The following STAT2 variants were observed in gnomAD, a reference collection of about 807,000 sequenced individuals.
STAT2 encodes interferon alpha induced transcriptional activator.
A neutral mutation model predicts 122.3 loss-of-function variants in STAT2; 51 were observed. That is an observed-to-expected ratio of 0.42 (90% CI 0.33 to 0.53). The LOEUF (loss-of-function observed/expected upper bound fraction) is 0.53. STAT2 is among the 20% of genes least tolerant of loss of function. The pLI is 0.10. For synonymous variants in STAT2, 351 were observed against 394.9 expected, an observed-to-expected ratio of 0.89 and a Z score of 1.32; for missense variants, 736 against 1,010.3, an observed-to-expected ratio of 0.73 and a Z score of 3.68.
At chr12:56,351,064 A>C (rs1878393001) in intron 10 of STAT2, 34 bp downstream of exon 10, 7 of 1,607,630 alleles carry the variant, frequency 4.4e-6, no homozygotes, top group Non-Finnish European at 6.0e-6. Context: ...CAGGGTTGGA[A>C]AAAGGAAGTG....
Position 56,349,631 on chromosome 12 carries a change from C to G in STAT2, c.1215G>C (p.Leu405=). The G allele has an allele frequency of 6.2e-7, 1 of 1,614,178 alleles. No individual in the cohort carries two copies. The highest frequency in any genetic ancestry group is 8.5e-7 in the Non-Finnish European group (1 of 1,180,034). The change falls in exon 14 of 24, where the codon CTG becomes CTC. Residue 405 remains leucine (L), a synonymous_variant. Transcript: ENST00000314128. ...GLIWDFGYLT[L]VEQRSGGSGK... ...CTGAACCACCTGAACGTTGCTCCAC[C>G]AGAGTCTGTGAATTGAAGGGAAGGA... is the stretch of plus-strand genomic sequence containing the variant.
intron 11 of STAT2, 103 bp from the exon 12 acceptor site, chr12:56,350,535 C>T: frequency 1.9e-6 from 2 of 1,080,092 alleles, no homozygotes; most frequent in Non-Finnish European, 1.3e-6. Flanking sequence ...CCGACTTGAG[C>T]TCACTAGCTA....
intron 20 of STAT2, 45 bp downstream of exon 20, chr12:56,346,774 G>A (rs1424049044): frequency 2.5e-6 from 4 of 1,613,084 alleles, no homozygotes; most frequent in Non-Finnish European, 3.4e-6. Flanking sequence ...AGGGGAGCCA[G>A]GCAGAAAGGA....
intron 21 of STAT2, 27 bp downstream of exon 21, chr12:56,346,415 G>A: frequency 6.2e-7 from 1 of 1,613,080 alleles, no homozygotes; most frequent in Non-Finnish European, 8.5e-7. Flanking sequence ...CTGCAATCTA[G>A]CAATGAAGTA....
In STAT2 at chr12:56,348,987, A is replaced by G; in HGVS notation, c.1513T>C (p.Ser505Pro). Residue 505 changes from serine (S) to proline (P), a missense_variant, in exon 17 of 24, where the codon TCC (serine) becomes CCC (proline). Coordinates refer to ENST00000314128, the MANE Select transcript of STAT2 (RefSeq NM_005419.4). ...LLGPALSWQF[S>P]SYVGRGLNSD... The stretch of plus-strand genomic sequence containing the variant: ...TTGAGGCCTCGGCCAACATAGGAGG[A>G]GAACTGCCAACTGAGAGCAGGGCCC... 6.2e-7 allele frequency: 1 copy of G among 1,613,998 alleles called. No individual in the cohort carries two copies. The highest frequency in any genetic ancestry group is 8.5e-7 in the Non-Finnish European group (1 of 1,179,994).
At chr12:56,351,228 G>A in intron 9 of STAT2, 38 bp from the exon 10 acceptor site, 2 of 1,611,816 alleles carry the variant, frequency 1.2e-6, no homozygotes, top group Non-Finnish European at 1.7e-6. Context: ...ATATAGCTCA[G>A]TATCTGTAAG....
At chr12:56,347,273 C>T (rs1592469025) in intron 19 of STAT2, among the ~76,000 whole-genome samples, 1 of 151,286 alleles carries the variant, frequency 6.6e-6, no homozygotes, top group Non-Finnish European at 1.5e-5. Flanking sequence ...ACTGCCACCT[C>T]GACCTCCCGG....
In STAT2 at chr12:56,342,003, A is replaced by G. The variant is rs920670703; in HGVS notation, c.*1386T>C. ...CACCAAACTTTATCCAATACTATAA[A>G]AAAGAAATTCCTGCTGGGAACAGTG... is the stretch of plus-strand genomic sequence containing the variant. On this transcript the variant is annotated 3_prime_UTR_variant, in exon 24 of 24. Coordinates refer to ENST00000314128, the MANE Select transcript of STAT2 (RefSeq NM_005419.4). The G allele has an allele frequency of 9.2e-5, 14 of 152,260 alleles. No individual in the cohort carries two copies. Among genetic ancestry groups the G allele is most frequent in the African/African-American group, 3.4e-4 (14 of 41,460 alleles). The allele number at this position is 152,260 out of a possible 1,614,324, so 9.4% of individuals were successfully genotyped here.
chr12:56,349,381 C>T (rs1476187665), intron 15 of STAT2, 45 bp downstream of exon 15: 1 of 1,614,178 alleles, frequency 6.2e-7, no homozygotes, highest in East Asian at 2.2e-5. Context: ...CTTATGCCTT[C>T]TTCCAAAGCT....
chr12:56,350,365 G>C (rs1422566236), intron 12 of STAT2, 47 bp downstream of exon 12: 11 of 1,575,132 alleles, frequency 7.0e-6, no homozygotes, highest in Non-Finnish European at 9.5e-6. Context: ...TGGTTCTGCA[G>C]GTCATACACT....
At chr12:56,356,321 CAGTGTTACTGT>C (rs745899208) in intron 2 of STAT2, 36 bp from the exon 3 acceptor site, 1 of 1,608,758 alleles carries the variant, frequency 6.2e-7, no homozygotes, top group African/African-American at 1.3e-5. Flanking sequence ...AGTGTCTCTG[CAGTGTTACTGT>C]AGTCCTGAGG....
intron 10 of STAT2, 60 bp downstream of exon 10, chr12:56,351,038 A>G (rs1255179419): frequency 6.3e-6 from 10 of 1,594,912 alleles, no homozygotes; most frequent in Non-Finnish European, 8.6e-6. Context: ...CTGTAAAGCC[A>G]GAAAATACAC....
chr12:56,355,053 C>T, intron 6 of STAT2, 190 bp from the exon 7 acceptor site: 2 of 728,648 alleles, frequency 2.7e-6, no homozygotes, highest in South Asian at 1.8e-5. Context: ...TCAAATAAAA[C>T]ACTGTTAGTT....
chr12:56,349,133 C>T (rs959632210), intron 16 of STAT2, 30 bp downstream of exon 16: 4 of 1,614,108 alleles, frequency 2.5e-6, no homozygotes, highest in African/African-American at 1.3e-5. Context: ...CCTCCTCTCG[C>T]GCCTTGACCT....
At position 56,343,218 on chromosome 12, in the gene STAT2, C is replaced by T. The variant is rs1876831432; in HGVS notation, c.*171G>A. 1.4e-5 allele frequency: 12 copies of T among 828,726 alleles called. No individual in the cohort carries two copies. Among genetic ancestry groups the T allele is most frequent in the Non-Finnish European group, 2.2e-5 (12 of 543,942 alleles). 51.3% of individuals were successfully genotyped at this position (828,726 alleles called of 1,614,324 possible). A position where few individuals can be genotyped will look rare whatever the true frequency, so the allele number is the denominator to read the frequency against. ...CTGATTCATTGTTGTCCCCTCTGTA[C>T]CCATGTTATGCTTTCACCTCTCACC... On this transcript the variant is annotated 3_prime_UTR_variant, in exon 24 of 24. Transcript: ENST00000314128.
chr12:56,346,285 G>C, intron 21 of STAT2, 82 bp from the exon 22 acceptor site: 1 of 1,578,682 alleles, frequency 6.3e-7, no homozygotes, highest in African/African-American at 1.3e-5. Flanking sequence ...AGATGGTCCT[G>C]GCAGTCTCAT....
chr12:56,348,331 C>T (rs7956211), intron 19 of STAT2, among the ~76,000 whole-genome samples, 198 bp downstream of exon 19: 1 of 152,056 alleles, frequency 6.6e-6, no homozygotes, highest in African/African-American at 2.4e-5. Context: ...TCATGATCCG[C>T]CCGCCTCGGC....
At position 56,343,543 on chromosome 12, in the gene STAT2, A is replaced by G. The variant is rs1442093121; in HGVS notation, c.2414-12T>C. On this transcript the variant is annotated splice_polypyrimidine_tract_variant and intron_variant, in intron 23 of 23. Transcript: ENST00000314128. ...ACAGTTTCTGAAGACTAGGTAATCC[A>G]GAGAGAAAAGTGAGGCCCCGATCTT... 2 of 1,611,440 alleles carry G rather than the reference A, an allele frequency of 1.2e-6. No individual in the cohort carries two copies. Among genetic ancestry groups the G allele is most frequent in the African/African-American group, 2.7e-5 (2 of 74,886 alleles).
intron 19 of STAT2, 121 bp from the exon 20 acceptor site, chr12:56,347,076 C>T: frequency 1.4e-6 from 2 of 1,431,038 alleles, no homozygotes; most frequent in East Asian, 4.7e-5. Context: ...TTGGACCAAG[C>T]CCTGCCACTT....
Sources: allele counts gnomAD v4.1 joint callset (sites outside exome capture counted in the v4.1 genomes callset), GRCh38; gene constraint gnomAD v4.1.1; transcripts MANE v1.5; gene names NCBI Gene and HGNC (gene_info 2026-07-23, HGNC 2026-07-21).